Variants in SHISAL2A observed in about 807,000 individuals in gnomAD.
The protein encoded by SHISAL2A is shisa like 2A.
A neutral mutation model predicts 11.5 loss-of-function variants in SHISAL2A; 18 were observed. The ratio of observed to expected loss-of-function variants is 1.57; its 90% CI spans 1.08 to 2.33. SHISAL2A has a LOEUF of 2.33. SHISAL2A is among the 30% of genes most tolerant of loss of function. The pLI, the probability that SHISAL2A is intolerant of heterozygous loss-of-function variation, is 0.00. For synonymous variants in SHISAL2A, 94 were observed against 99.6 expected (o/e 0.94, Z 0.34); for missense variants, 261 against 250.9 (o/e 1.04, Z -0.27).
intron 1 of SHISAL2A, among the ~76,000 whole-genome samples, chr1:52,640,814 T>C (rs1010994108): frequency 3.9e-5 from 6 of 152,098 alleles, no homozygotes; most frequent in Non-Finnish European, 7.4e-5. Context: ...TCTAATGAGA[T>C]GACTCATGGT....
At position 52,633,232 on chromosome 1, in the gene SHISAL2A, C is replaced by G. The variant is rs1691165172; in HGVS notation, c.-262C>G. The G allele has an allele frequency of 1.7e-5, 5 of 302,742 alleles. No individual in the cohort carries two copies. In the Admixed American group the frequency reaches 2.6e-4, roughly 16 times the overall value. The allele number at this position is 302,742 out of a possible 1,614,324, so 18.8% of individuals were successfully genotyped here. On this transcript the variant is annotated 5_prime_UTR_variant, in exon 1 of 3. Coordinates refer to ENST00000517870, the MANE Select transcript of SHISAL2A (RefSeq NM_001042693.3). This position sits in a 1 kb window ranked among gnomAD's most constrained non-coding sequence, Gnocchi z 6.4. ...CGTCCGCTCCGGCTCCTGCCGCGTT[C>G]CAGCAGCCGTCACTCCCGCCGCCGG... is the stretch of plus-strand genomic sequence containing the variant.
Position 52,633,576 on chromosome 1 carries a change from C to T in SHISAL2A, c.83C>T (p.Ala28Val), listed in dbSNP as rs1691176498. The change falls in exon 1 of 3, where the codon GCG (alanine) becomes GTG (valine). Residue 28 changes from alanine (A) to valine (V), a missense_variant. By Grantham distance (64) the Ala-to-Val change is moderately conservative. Coordinates refer to ENST00000517870, the MANE Select transcript of SHISAL2A (RefSeq NM_001042693.3). This position sits in a 1 kb window ranked among gnomAD's most constrained non-coding sequence, Gnocchi z 6.4. ...AGCTGCCCGCGGCCGGGGGGCGAGG[C>T]GGCCGCTGTCTTCTGCTGCGGCTTC... ...GFSCPRPGGE[A>V]AAVFCCGFRD... 9.9e-6 allele frequency: 16 copies of T among 1,611,360 alleles called. No individual in the cohort carries two copies. The highest frequency in any genetic ancestry group is 1.3e-5 in the Non-Finnish European group (15 of 1,178,942).
At chr1:52,664,027 G>C (rs1691958998) in intron 4 of SHISAL2A, among the ~76,000 whole-genome samples, 2 of 152,076 alleles carry the variant, frequency 1.3e-5, no homozygotes, top group Admixed American at 1.3e-4. Context: ...AACCATACTT[G>C]ACCGTGCAGA....
intron 1 of SHISAL2A, among the ~76,000 whole-genome samples, chr1:52,640,787 A>G (rs547717208): frequency 1.3e-3 from 191 of 152,220 alleles, no homozygotes; most frequent in African/African-American, 4.2e-3. Flanking sequence ...TTCCTGGGTG[A>G]TAGGAGCATC....
intron 2 of SHISAL2A, among the ~76,000 whole-genome samples, chr1:52,648,851 A>G (rs1218623976): frequency 6.6e-6 from 1 of 151,772 alleles, no homozygotes; most frequent in Non-Finnish European, 1.5e-5. Flanking sequence ...CCATCCCCTA[A>G]TTCCTACTTT....
At chr1:52,639,546 G>T (rs929320461) in intron 1 of SHISAL2A, among the ~76,000 whole-genome samples, 1 of 152,082 alleles carries the variant, frequency 6.6e-6, no homozygotes, top group Admixed American at 6.6e-5. Context: ...GAGGTCAGGA[G>T]ATCGAGACCA....
At chr1:52,642,736 T>C (rs76738606) in intron 1 of SHISAL2A, 127 bp from the exon 2 acceptor site, 1 of 1,051,114 alleles carries the variant, frequency 9.5e-7, no homozygotes, top group Non-Finnish European at 1.4e-6. Flanking sequence ...AAATTTTTTT[T>C]AAATATTTTT....
chr1:52,635,683 T>C (rs967078073), intron 1 of SHISAL2A, among the ~76,000 whole-genome samples: 2 of 152,162 alleles, frequency 1.3e-5, no homozygotes, highest in African/African-American at 4.8e-5. Flanking sequence ...GACCTCCAGC[T>C]ACACGACTCC....
chr1:52,635,888 C>A (rs1329334427), intron 1 of SHISAL2A, among the ~76,000 whole-genome samples: 1 of 152,244 alleles, frequency 6.6e-6, no homozygotes, highest in African/African-American at 2.4e-5. Context: ...TAAAGTTAGA[C>A]ACAAGATGGA....
chr1:52,642,886 C>A lies in SHISAL2A; in HGVS notation c.206C>A (p.Ser69Tyr). 1.2e-6 allele frequency: 2 copies of A among 1,613,628 alleles called. No homozygotes were observed. Among genetic ancestry groups the A allele is most frequent in the Non-Finnish European group, 1.7e-6 (2 of 1,180,028 alleles). ...WLSIGALIGL[S>Y]VAAVVLLAFI... Reference sequence around the variant, plus strand: ...AGCATTGGCGCTCTCATAGGCCTGTCCGTAGCAGCAGTGGTTCTTCTCGCC... The same window carrying A: ...AGCATTGGCGCTCTCATAGGCCTGTACGTAGCAGCAGTGGTTCTTCTCGCC... Residue 69 changes from serine to tyrosine, a missense_variant, in exon 2 of 3, where the codon TCC (serine) becomes TAC (tyrosine). Coordinates refer to ENST00000517870, the MANE Select transcript of SHISAL2A (RefSeq NM_001042693.3).
downstream of SHISAL2A, among the ~76,000 whole-genome samples, chr1:52,657,446 C>T (rs969849940): frequency 6.6e-6 from 1 of 152,248 alleles, no homozygotes; most frequent in South Asian, 2.1e-4. Flanking sequence ...CCCTGGAGTG[C>T]GCCATCCTGG....
At chr1:52,636,614 C>T (rs570968028) in intron 1 of SHISAL2A, among the ~76,000 whole-genome samples, 6 of 152,272 alleles carry the variant, frequency 3.9e-5, no homozygotes, top group Admixed American at 2.0e-4. Context: ...GTGAATTGTC[C>T]GAGATCTCCT....
At chr1:52,647,530 A>C (rs1433499697) in intron 2 of SHISAL2A, among the ~76,000 whole-genome samples, 1 of 152,142 alleles carries the variant, frequency 6.6e-6, no homozygotes, top group African/African-American at 2.4e-5. Context: ...ATTACTAATA[A>C]TCAGGGGAAT....
At chr1:52,663,333 C>T (rs1691944074) in intron 4 of SHISAL2A, among the ~76,000 whole-genome samples, 1 of 152,182 alleles carries the variant, frequency 6.6e-6, no homozygotes, top group Non-Finnish European at 1.5e-5. Context: ...AGGTTCCCTC[C>T]AAGCACCTCC....
intron 2 of SHISAL2A, among the ~76,000 whole-genome samples, chr1:52,652,259 A>C (rs1571694647): frequency 2.6e-5 from 4 of 152,226 alleles, no homozygotes. Context: ...CATTTTTATG[A>C]GAATCGAGAG....
At chr1:52,668,089 G>A (rs1571709035) in intron 5 of SHISAL2A, among the ~76,000 whole-genome samples, 1 of 152,202 alleles carries the variant, frequency 6.6e-6, no homozygotes, top group African/African-American at 2.4e-5. Flanking sequence ...CTGGGAGGTA[G>A]CAGGCTTTGC....
chr1:52,661,271 T>C (rs984970604), downstream of SHISAL2A, among the ~76,000 whole-genome samples: 1 of 152,248 alleles, frequency 6.6e-6, no homozygotes, highest in Non-Finnish European at 1.5e-5. Flanking sequence ...ACTTGCTTCC[T>C]GTTCTCTGTA....
At chr1:52,652,686 C>T (rs1691694822) in intron 2 of SHISAL2A, among the ~76,000 whole-genome samples, 1 of 151,988 alleles carries the variant, frequency 6.6e-6, no homozygotes, top group African/African-American at 2.4e-5. Flanking sequence ...TGTGTTTGGG[C>T]CGGGCGCAGT....
intron 2 of SHISAL2A, among the ~76,000 whole-genome samples, chr1:52,648,575 T>G (rs138545206): frequency 2.0e-5 from 3 of 152,280 alleles, no homozygotes; most frequent in African/African-American, 7.2e-5. Flanking sequence ...AGACACTGTT[T>G]GAAATTTCAC....
Sources: gnomAD v4.1 joint callset for allele counts (sites outside exome capture counted in the v4.1 genomes callset) on GRCh38, gnomAD v4.1.1 for gene constraint, Gnocchi (gnomAD v3.1) non-coding constraint, MANE v1.5 for transcripts, NCBI Gene and HGNC (gene_info 2026-07-23, HGNC 2026-07-21) for gene names.